KCNQ1: variants seen among roughly 807,000 people sequenced by gnomAD.
KCNQ1 encodes potassium voltage-gated channel subfamily KQT member 1.
A neutral mutation model predicts 72.4 loss-of-function variants in KCNQ1; 49 were observed. That is an observed-to-expected ratio of 0.68 (90% CI 0.54 to 0.86). The LOEUF (loss-of-function observed/expected upper bound fraction) is 0.86, where lower values mean the gene tolerates loss of function less well. KCNQ1 is among the 40% of genes least tolerant of loss of function. The pLI is 0.00. For synonymous variants in KCNQ1, 450 were observed against 412.6 expected, an observed-to-expected ratio of 1.09 and a Z score of -1.10; for missense variants, 790 against 945.1, an observed-to-expected ratio of 0.84 and a Z score of 2.15.
chr11:2,702,195 C>T (rs959725389), intron 11 of KCNQ1, among the ~76,000 whole-genome samples: 5 of 152,228 alleles, frequency 3.3e-5, no homozygotes, highest in Admixed American at 6.5e-5. Context: ...TCACAGATTT[C>T]ACCAGAATAA....
intron 1 of KCNQ1, chr11:2,461,700 G>C (rs201090517): frequency 7.3e-7 from 1 of 1,367,146 alleles, no homozygotes; most frequent in Admixed American, 1.9e-5. Flanking sequence ...GAGCCAGTGC[G>C]GGGCCTGGCA....
In KCNQ1 at chr11:2,661,991, G is replaced by A; in HGVS notation, c.1424G>A (p.Ser475Asn). The A allele has an allele frequency of 1.9e-6, 3 of 1,614,196 alleles. No homozygotes were observed. Among genetic ancestry groups the A allele is most frequent in the Non-Finnish European group, 2.5e-6 (3 of 1,180,036 alleles). Residue 475 changes from serine (S) to asparagine (N), a missense_variant, in exon 11 of 16, where the codon AGC (serine) becomes AAC (asparagine). By Grantham distance (46) the Ser-to-Asn change is conservative. This residue lies in a region of KCNQ1 where 178 missense variants were observed against 177.9 expected (regional missense o/e 1.00). Coordinates refer to ENST00000155840, the MANE Select transcript of KCNQ1 (RefSeq NM_000218.3). The surrounding 1 kb of genome is among the most constrained non-coding windows in gnomAD (Gnocchi z 5.9). The stretch of plus-strand genomic sequence containing the variant: ...AAGAGCCCAACACTGCTGGAAGTGA[G>A]CATGCCCCATTTCATGAGAACCAAC... ...VRKSPTLLEV[S>N]MPHFMRTNSF... is the part of the protein sequence containing the mutation.
rs1001853006 is a variant in KCNQ1 at position 2,479,308 on chromosome 11, C to T, written c.386+33824C>T. Among the ~76,000 whole-genome samples the T allele has an allele frequency of 5.3e-5, 8 of 152,248 alleles. No homozygotes were observed. The highest frequency in any genetic ancestry group is 1.9e-4 in the African/African-American group (8 of 41,472). On this transcript the variant is annotated intron_variant, in intron 1 of 15. Coordinates refer to ENST00000155840, the MANE Select transcript of KCNQ1 (RefSeq NM_000218.3). This position sits in a 1 kb window ranked among gnomAD's most constrained non-coding sequence, Gnocchi z 4.6. ...GGGGCTCCAACCCCACTTTTCCCTT[C>T]CTCACTGCCCTAGCAGAGGTTCTCC...
chr11:2,810,164 T>C (rs564759989), intron 15 of KCNQ1, among the ~76,000 whole-genome samples: 3 of 152,368 alleles, frequency 2.0e-5, no homozygotes, highest in South Asian at 4.1e-4. Flanking sequence ...TTTAGTCTCA[T>C]ACTTTTGTAA....
intron 1 of KCNQ1, among the ~76,000 whole-genome samples, chr11:2,506,422 T>C (rs1489092817): frequency 6.6e-6 from 1 of 152,256 alleles, no homozygotes; most frequent in East Asian, 1.9e-4. Context: ...ACTTTATGGT[T>C]GGATGTGCCA....
At position 2,602,723 on chromosome 11, in the gene KCNQ1, A is replaced by T. The variant is rs555419556; in HGVS notation, c.1393+13869A>T. Among the ~76,000 whole-genome samples the T allele has an allele frequency of 6.6e-6, 1 of 152,216 alleles. No homozygotes were observed. The highest frequency in any genetic ancestry group is 1.5e-5 in the Non-Finnish European group (1 of 68,026). On this transcript the variant is annotated intron_variant, in intron 10 of 15. Coordinates refer to ENST00000155840, the MANE Select transcript of KCNQ1 (RefSeq NM_000218.3). This position sits in a 1 kb window ranked among gnomAD's most constrained non-coding sequence, Gnocchi z 4.8. ...TGCCTGTTTGCCATTTTTGTATTCT[A>T]TGCAGTGAAATTCTTGTTGATATCA... is the stretch of plus-strand genomic sequence containing the variant.
intron 1 of KCNQ1, among the ~76,000 whole-genome samples, chr11:2,452,233 G>T (rs1846128017): frequency 6.6e-6 from 1 of 151,992 alleles, no homozygotes; most frequent in African/African-American, 2.4e-5. Context: ...CCCGGCTCCT[G>T]GCTGAACTTG....
chr11:2,683,420 C>T lies in KCNQ1; in HGVS notation c.1514+21339C>T, dbSNP rs1850431333. ...GTTTGTCCAATGGCTAAGCTTTCCC[C>T]AGGAATGGGTAACTGGAAAAATGTA... On this transcript the variant is annotated intron_variant, in intron 11 of 15. Coordinates refer to ENST00000155840, the MANE Select transcript of KCNQ1 (RefSeq NM_000218.3). The surrounding 1 kb of genome is among the most constrained non-coding windows in gnomAD (Gnocchi z 4.7). 1 of 398,488 alleles carries T rather than the reference C, an allele frequency of 2.5e-6. No homozygotes were observed. The highest frequency in any genetic ancestry group is 4.4e-6 in the Non-Finnish European group (1 of 226,076). The allele number at this position is 398,488 out of a possible 1,614,324, so 24.7% of individuals were successfully genotyped here. A position where few individuals can be genotyped will look rare whatever the true frequency, so the allele number is the denominator to read the frequency against.
Position 2,624,998 on chromosome 11 carries a change from G to A in KCNQ1, c.1393+36144G>A. 5.0e-6 allele frequency: 2 copies of A among 398,366 alleles called. No individual in the cohort carries two copies. The highest frequency in any genetic ancestry group is 8.8e-6 in the Non-Finnish European group (2 of 226,038). The allele number at this position is 398,366 out of a possible 1,614,324, so 24.7% of individuals were successfully genotyped here. On this transcript the variant is annotated intron_variant, in intron 10 of 15. Coordinates refer to ENST00000155840, the MANE Select transcript of KCNQ1 (RefSeq NM_000218.3). The surrounding 1 kb of genome is among the most constrained non-coding windows in gnomAD (Gnocchi z 4.9). ...TTATCCATTCTTCCATGGACATTTG[G>A]GTTGCATTGATGTTTTAACTGTTGT...
intron 10 of KCNQ1, chr11:2,637,370 T>C (rs905408842): frequency 6.6e-6 from 1 of 152,244 alleles, no homozygotes; most frequent in Non-Finnish European, 1.5e-5. Flanking sequence ...CCAGAGATTC[T>C]GGTATGTTGT....
chr11:2,445,514 C>T, intron 1 of KCNQ1, 30 bp downstream of exon 1: 1 of 1,584,572 alleles, frequency 6.3e-7, no homozygotes, highest in Non-Finnish European at 8.5e-7. Context: ...ACGGCCGGCA[C>T]GAAGGTGCTT....
chr11:2,558,180 C>T (rs1249100442), intron 2 of KCNQ1, among the ~76,000 whole-genome samples: 2 of 152,324 alleles, frequency 1.3e-5, no homozygotes, highest in Admixed American at 6.5e-5. Context: ...ACTCCAGCTG[C>T]CCCCCAGCAC....
chr11:2,685,945 C>T, intron 11 of KCNQ1: 2 of 398,796 alleles, frequency 5.0e-6, no homozygotes. Context: ...TCCCATCCTC[C>T]TGCTGGGTCA....
rs1850986957 is a variant in KCNQ1, at chr11:2,710,632, T to A, written c.1514+48551T>A. 6.6e-6 allele frequency among the ~76,000 whole-genome samples: 1 copy of A among 152,194 alleles called. No homozygotes were observed. The highest frequency in any genetic ancestry group is 1.9e-4 in the East Asian group (1 of 5,198). Reference sequence around the variant, plus strand: ...TTGGCTCTTACACTTAGGTCTTTCATCCGCTTTCAGTTAGTTTAACATATG... The same window carrying A: ...TTGGCTCTTACACTTAGGTCTTTCAACCGCTTTCAGTTAGTTTAACATATG... On this transcript the variant is annotated intron_variant, in intron 11 of 15. Coordinates refer to ENST00000155840, the MANE Select transcript of KCNQ1 (RefSeq NM_000218.3). The surrounding 1 kb of genome is among the most constrained non-coding windows in gnomAD (Gnocchi z 4.1).
At chr11:2,528,940 G>T (rs1847561500) in intron 2 of KCNQ1, among the ~76,000 whole-genome samples, 2 of 152,116 alleles carry the variant, frequency 1.3e-5, no homozygotes, top group Non-Finnish European at 2.9e-5. Context: ...TTCCTTTGTT[G>T]CTTCTGGACC....
At chr11:2,789,074 C>G (rs898146677) in intron 15 of KCNQ1, among the ~76,000 whole-genome samples, 5 of 152,180 alleles carry the variant, frequency 3.3e-5, no homozygotes, top group African/African-American at 9.7e-5. Context: ...CAGGCTACCC[C>G]CAAAGGCCAC....
At chr11:2,643,887 T>A (rs938109850) in intron 10 of KCNQ1, 19 of 398,450 alleles carry the variant, frequency 4.8e-5, no homozygotes, top group Non-Finnish European at 8.4e-5. Context: ...GCTGGCAGGT[T>A]TTTGGTTTTG....
At position 2,803,163 on chromosome 11, in the gene KCNQ1, C is replaced by A. The variant is rs79878066; in HGVS notation, c.1794+25126C>A. Among the ~76,000 whole-genome samples, 14 of 151,776 alleles carry A rather than the reference C, an allele frequency of 9.2e-5. No homozygotes were observed. Among genetic ancestry groups the A allele is most frequent in the African/African-American group, 2.7e-4 (11 of 41,202 alleles). ...CAGAAAACCCAGCCGGGCCCCCCCC[C>A]CCACGGGCACCCAGGAACCGCCCTG... On this transcript the variant is annotated intron_variant, in intron 15 of 15. Transcript: ENST00000155840. The surrounding 1 kb of genome is among the most constrained non-coding windows in gnomAD (Gnocchi z 6.4).
In KCNQ1 at chr11:2,657,736, C is replaced by T. The variant is rs570301795; in HGVS notation, c.1394-4225C>T. On this transcript the variant is annotated intron_variant, in intron 10 of 15. Coordinates refer to ENST00000155840, the MANE Select transcript of KCNQ1 (RefSeq NM_000218.3). The surrounding 1 kb of genome is among the most constrained non-coding windows in gnomAD (Gnocchi z 4.8). ...CATTACATTTATTGTCATCTCTGAT[C>T]GGTGACGGGCTTCTCAGTCTTGTTC... The T allele has an allele frequency of 3.0e-5, 12 of 398,542 alleles. No individual in the cohort carries two copies. The highest frequency in any genetic ancestry group is 1.6e-4 in the African/African-American group (8 of 48,744). 24.7% of individuals were successfully genotyped at this position (398,542 alleles called of 1,614,324 possible).
Sources: allele counts gnomAD v4.1 joint callset (sites outside exome capture counted in the v4.1 genomes callset), GRCh38; gene constraint gnomAD v4.1.1; regional missense constraint gnomAD v4.1.1; non-coding constraint Gnocchi (gnomAD v3.1); transcripts MANE v1.5; gene names NCBI Gene and HGNC (gene_info 2026-07-23, HGNC 2026-07-21).